Variants in NRXN3 observed in about 807,000 individuals in gnomAD.
The protein encoded by NRXN3 is neurexin III.
NRXN3 carries 32 observed loss-of-function variants against 137.6 expected under a neutral mutation model. That is an observed-to-expected ratio of 0.23 (90% CI 0.18 to 0.31). The LOEUF (loss-of-function observed/expected upper bound fraction) is 0.31. Among genes scored for constraint, NRXN3 ranks in the 10% least tolerant of loss-of-function variants. The pLI, the probability that NRXN3 is intolerant of heterozygous loss-of-function variation, is 1.00. For missense variants in NRXN3, 1,574 were observed against 2,062.5 expected (o/e 0.76, Z 4.59); for synonymous variants, 798 against 784.5 (o/e 1.02, Z -0.29).
chr14:78,325,151 A>G (rs2079899618), intron 4 of NRXN3, among the ~76,000 whole-genome samples: 1 of 152,060 alleles, frequency 6.6e-6, no homozygotes, highest in Non-Finnish European at 1.5e-5. Context: ...AAAAATTAGC[A>G]TCAGGACAGG....
chr14:79,556,594 C>A (rs2097432034), intron 16 of NRXN3, among the ~76,000 whole-genome samples: 1 of 152,154 alleles, frequency 6.6e-6, no homozygotes. Context: ...CTCACTCTGT[C>A]ACCCAGGCTA....
chr14:79,560,503 G>GTTTTTTTTTT (rs1567504638), intron 16 of NRXN3, among the ~76,000 whole-genome samples: 43 of 39,540 alleles, frequency 1.1e-3, no homozygotes, highest in East Asian at 3.3e-3. Context: ...AAGATTGTAA[G>GTTTTTTTTTT]CTTTTTTTTT....
intron 6 of NRXN3, among the ~76,000 whole-genome samples, chr14:78,677,716 A>G (rs2098024069): frequency 6.6e-6 from 1 of 152,208 alleles, no homozygotes; most frequent in African/African-American, 2.4e-5. Flanking sequence ...ACAGCATTAC[A>G]TGCTACAAAG....
chr14:78,812,634 C>G (rs1233910866), intron 10 of NRXN3, among the ~76,000 whole-genome samples: 2 of 152,202 alleles, frequency 1.3e-5, no homozygotes, highest in Non-Finnish European at 1.5e-5. Context: ...ACACAGATGA[C>G]AGCAGGTTTT....
At chr14:78,564,644 G>A (rs957651658) in intron 4 of NRXN3, among the ~76,000 whole-genome samples, 1 of 152,170 alleles carries the variant, frequency 6.6e-6, no homozygotes, top group African/African-American at 2.4e-5. Flanking sequence ...GCCTGGTAAT[G>A]AAGGTCCTTC....
At chr14:78,944,308 A>C (rs997155292) in intron 10 of NRXN3, among the ~76,000 whole-genome samples, 1 of 152,206 alleles carries the variant, frequency 6.6e-6, no homozygotes, top group East Asian at 1.9e-4. Flanking sequence ...TTATGTGGTC[A>C]TGGGAAATTC....
Position 78,620,267 on chromosome 14 carries a change from A to C in NRXN3, c.758-24853A>C, listed in dbSNP as rs538958613. Among the ~76,000 whole-genome samples the C allele has an allele frequency of 1.3e-5, 2 of 152,360 alleles. 1 individual carries two copies. Among genetic ancestry groups the C allele is most frequent in the South Asian group, 4.1e-4 (2 of 4,832 alleles). On this transcript the variant is annotated intron_variant, in intron 4 of 20. Transcript: ENST00000335750. ...ACTTTTTATTATTTCAGACAAATGCAGATAGAATGTTTACTGAGGTGTCTC... is the reference window on the plus strand; with the variant it reads ...ACTTTTTATTATTTCAGACAAATGCCGATAGAATGTTTACTGAGGTGTCTC...
At chr14:79,820,921 T>G (rs1023355856) in intron 20 of NRXN3, among the ~76,000 whole-genome samples, 1 of 152,100 alleles carries the variant, frequency 6.6e-6, no homozygotes, top group Non-Finnish European at 1.5e-5. Flanking sequence ...TGCTTAGTGA[T>G]AACATTATGA....
chr14:79,010,826 C>T (rs1471489984), intron 15 of NRXN3, among the ~76,000 whole-genome samples: 1 of 152,160 alleles, frequency 6.6e-6, no homozygotes, highest in Non-Finnish European at 1.5e-5. Context: ...CCACACACCA[C>T]AAAGCGAGGA....
chr14:78,592,046 C>T (rs915841807), intron 4 of NRXN3, among the ~76,000 whole-genome samples: 1 of 152,098 alleles, frequency 6.6e-6, no homozygotes, highest in South Asian at 2.1e-4. Flanking sequence ...GTTGCCAGAC[C>T]TATTACGGTT....
At chr14:79,132,662 G>A (rs1596327034) in intron 15 of NRXN3, among the ~76,000 whole-genome samples, 1 of 152,072 alleles carries the variant, frequency 6.6e-6, no homozygotes, top group African/African-American at 2.4e-5. Flanking sequence ...ACTTTATTTG[G>A]TCTTCATCAT....
chr14:79,072,774 G>A (rs915222449), intron 15 of NRXN3, among the ~76,000 whole-genome samples: 2 of 151,960 alleles, frequency 1.3e-5, no homozygotes, highest in Non-Finnish European at 2.9e-5. Flanking sequence ...TCATTGTGAT[G>A]GTGCCATTCA....
chr14:78,368,598 G>C (rs2086350140), intron 4 of NRXN3, among the ~76,000 whole-genome samples: 1 of 152,212 alleles, frequency 6.6e-6, no homozygotes, highest in Non-Finnish European at 1.5e-5. Flanking sequence ...AAGAGGCTGA[G>C]GAAGGAGAAT....
intron 15 of NRXN3, among the ~76,000 whole-genome samples, chr14:79,110,289 G>A (rs2053237245): frequency 6.6e-6 from 1 of 152,220 alleles, no homozygotes; most frequent in Non-Finnish European, 1.5e-5. Flanking sequence ...ACTACAAAGA[G>A]CATCTGCGAG....
At chr14:79,789,701 A>G (rs1479747171) in intron 19 of NRXN3, among the ~76,000 whole-genome samples, 2 of 152,200 alleles carry the variant, frequency 1.3e-5, no homozygotes, top group Non-Finnish European at 2.9e-5. Flanking sequence ...GAGGATGACC[A>G]GAGGTCACTC....
chr14:78,735,136 T>A (rs758155765), intron 8 of NRXN3, among the ~76,000 whole-genome samples: 4 of 152,108 alleles, frequency 2.6e-5, no homozygotes, highest in Non-Finnish European at 5.9e-5. Context: ...ATTTGAGATA[T>A]TTATAGAAGA....
At chr14:78,192,398 A>G (rs1426502798) in intron 1 of NRXN3, among the ~76,000 whole-genome samples, 2 of 152,096 alleles carry the variant, frequency 1.3e-5, no homozygotes. Flanking sequence ...GATAGGAGAT[A>G]CTGAACTCAC....
chr14:78,301,112 A>G (rs533876792), intron 4 of NRXN3, among the ~76,000 whole-genome samples: 5 of 151,924 alleles, frequency 3.3e-5, no homozygotes, highest in African/African-American at 1.2e-4. Context: ...TGAGAAAGGG[A>G]GAGAATTGGT....
In NRXN3 at chr14:79,593,948, A is replaced by G. The variant is rs1437482081; in HGVS notation, c.3445-69830A>G. On this transcript the variant is annotated intron_variant, in intron 16 of 20. Transcript: ENST00000335750. ...GAACAAATAATTGTTTTACTAGTTC[A>G]GATACACTTAACATTATAATAGATG... Among the ~76,000 whole-genome samples, 5 of 152,338 alleles carry G rather than the reference A, an allele frequency of 3.3e-5. No homozygotes were observed. In the Middle Eastern group the frequency reaches 0.01, roughly 311 times the overall value.
Sources: gnomAD v4.1 joint callset for allele counts (sites outside exome capture counted in the v4.1 genomes callset) on GRCh38, gnomAD v4.1.1 for gene constraint, MANE v1.5 for transcripts, NCBI Gene and HGNC (gene_info 2026-07-23, HGNC 2026-07-21) for gene names.